KIF16B: variants seen among roughly 807,000 people sequenced by gnomAD.
KIF16B encodes the protein kinesin-like protein KIF16B.
KIF16B carries 98 observed loss-of-function variants against 156.3 expected under a neutral mutation model. The ratio of observed to expected loss-of-function variants is 0.63; its 90% CI spans 0.53 to 0.74. The LOEUF is 0.74. Among genes scored for constraint, KIF16B ranks in the 30% least tolerant of loss-of-function variants. The pLI is 0.00. For missense variants in KIF16B, 1,421 were observed against 1,606.5 expected (o/e 0.88, Z 1.97); for synonymous variants, 564 against 583.7 (o/e 0.97, Z 0.49).
At chr20:16,521,036 A>G (rs6044060) in intron 3 of KIF16B, among the ~76,000 whole-genome samples, 36,211 of 152,006 alleles carry the variant, frequency 0.24, 4,934 homozygotes, top group East Asian at 0.36. Flanking sequence ...AAGACCAAAG[A>G]TAGATAAATC....
chr20:16,308,086 A>G (rs1442335875), intron 25 of KIF16B, among the ~76,000 whole-genome samples: 2 of 152,150 alleles, frequency 1.3e-5, no homozygotes, highest in African/African-American at 4.8e-5. Flanking sequence ...TTAAATCTGC[A>G]CAAGAACAAT....
intron 1 of KIF16B, among the ~76,000 whole-genome samples, chr20:16,557,147 CTATATATATAT>C (rs1568684217): frequency 7.0e-5 from 8 of 114,388 alleles, no homozygotes; most frequent in Non-Finnish European, 1.2e-4. Flanking sequence ...TATATTAATA[CTATATATATAT>C]ACACACACAC....
chr20:16,355,373 A>G (rs949795760), intron 23 of KIF16B, among the ~76,000 whole-genome samples: 1 of 152,204 alleles, frequency 6.6e-6, no homozygotes, highest in Non-Finnish European at 1.5e-5. Context: ...GTACTTTCCA[A>G]TTTCCTCATT....
At chr20:16,547,326 T>C (rs1437065512) in intron 1 of KIF16B, among the ~76,000 whole-genome samples, 1 of 152,208 alleles carries the variant, frequency 6.6e-6, no homozygotes, top group African/African-American at 2.4e-5. Context: ...ATTAATATCA[T>C]GGCTCATGCC....
chr20:16,497,393 T>C (rs1340050928), intron 11 of KIF16B, among the ~76,000 whole-genome samples: 1 of 152,156 alleles, frequency 6.6e-6, no homozygotes, highest in Admixed American at 6.5e-5. Context: ...TAACTAACCA[T>C]CATGTGCCAG....
chr20:16,566,753 G>T (rs763472704), intron 1 of KIF16B, among the ~76,000 whole-genome samples: 3 of 152,218 alleles, frequency 2.0e-5, no homozygotes, highest in Non-Finnish European at 4.4e-5. Context: ...TTCCAGGATG[G>T]TGGATATATT....
chr20:16,408,487 C>T (rs150124526), intron 15 of KIF16B, among the ~76,000 whole-genome samples: 2 of 152,238 alleles, frequency 1.3e-5, no homozygotes, highest in East Asian at 1.9e-4. Context: ...ATATTTAATG[C>T]TGTTAAAGTT....
At chr20:16,437,682 T>C (rs1005286929) in intron 12 of KIF16B, among the ~76,000 whole-genome samples, 5 of 152,196 alleles carry the variant, frequency 3.3e-5, no homozygotes, top group African/African-American at 7.2e-5. Context: ...TGCCAAAAGA[T>C]TTTTATTGCT....
intron 1 of KIF16B, among the ~76,000 whole-genome samples, chr20:16,562,481 A>G (rs1356432328): frequency 6.6e-6 from 1 of 152,218 alleles, no homozygotes; most frequent in Non-Finnish European, 1.5e-5. Flanking sequence ...CTCCTCACGG[A>G]GAACAATGTG....
chr20:16,532,266 G>C (rs1214994367), intron 1 of KIF16B, among the ~76,000 whole-genome samples: 1 of 152,098 alleles, frequency 6.6e-6, no homozygotes, highest in South Asian at 2.1e-4. Context: ...AAATAATCCA[G>C]GTATGGGGAA....
intron 1 of KIF16B, among the ~76,000 whole-genome samples, chr20:16,568,627 G>A (rs1182022629): frequency 6.6e-6 from 1 of 151,912 alleles, no homozygotes; most frequent in Non-Finnish European, 1.5e-5. Flanking sequence ...CAGCCTGGGC[G>A]ACACAGGGAG....
In KIF16B at chr20:16,376,214, G is replaced by T. The variant is rs574218053; in HGVS notation, c.3198-1805C>A. On this transcript the variant is annotated intron_variant, in intron 19 of 25. Coordinates refer to ENST00000354981, the MANE Select transcript of KIF16B (RefSeq NM_024704.5). ...GACAAGAAAACAGGATTAAGTGTGA[G>T]TATTAACAACTTGCCTCTGTTATCC... Among the ~76,000 whole-genome samples the T allele has an allele frequency of 3.3e-5, 5 of 152,314 alleles. No individual in the cohort carries two copies. In the South Asian group the frequency reaches 1.0e-3, roughly 32 times the overall value.
chr20:16,289,023 C>T (rs114756685), intron 25 of KIF16B, among the ~76,000 whole-genome samples: 3,154 of 151,834 alleles, frequency 0.021, 104 homozygotes, highest in African/African-American at 0.071. Context: ...TACTCTAAGT[C>T]GAAAGTGCAT....
intron 24 of KIF16B, among the ~76,000 whole-genome samples, chr20:16,316,272 C>T (rs892824208): frequency 6.6e-6 from 1 of 152,168 alleles, no homozygotes; most frequent in African/African-American, 2.4e-5. Flanking sequence ...TTGATAGTTG[C>T]TGATCAGCGA....
chr20:16,367,029 T>C, intron 22 of KIF16B: 2 of 1,361,978 alleles, frequency 1.5e-6, no homozygotes, highest in South Asian at 2.1e-5. Context: ...TCTGCATTTT[T>C]CCAGTTCCAA....
At chr20:16,317,781 C>CCACCCT (rs555243975) in intron 24 of KIF16B, among the ~76,000 whole-genome samples, 26 of 152,324 alleles carry the variant, frequency 1.7e-4, no homozygotes, top group African/African-American at 5.8e-4. Flanking sequence ...GGGTGGCCTG[C>CCACCCT]CACCCTCACC....
At position 16,515,530 on chromosome 20, in the gene KIF16B, A is replaced by G. The variant is rs1406618411; in HGVS notation, c.348+18T>C. ...AGATAATGAGAAATTTCCTTCCCAC[A>G]CAGTATAAACAACGTACAGAATTTC... On this transcript the variant is annotated intron_variant, in intron 4 of 25. Transcript: ENST00000354981. 5 of 1,293,038 alleles carry G rather than the reference A, an allele frequency of 3.9e-6. No individual in the cohort carries two copies. 80.1% of individuals were successfully genotyped at this position (1,293,038 alleles called of 1,614,324 possible).
At chr20:16,474,783 C>T (rs1452415871) in intron 12 of KIF16B, among the ~76,000 whole-genome samples, 3 of 152,210 alleles carry the variant, frequency 2.0e-5, no homozygotes, top group Admixed American at 6.5e-5. Flanking sequence ...CACCAGCAGT[C>T]AGCCTAGTTC....
chr20:16,385,508 G>C (rs1031759293), intron 17 of KIF16B, among the ~76,000 whole-genome samples: 6 of 152,204 alleles, frequency 3.9e-5, no homozygotes, highest in Admixed American at 3.9e-4. Flanking sequence ...CCATGAACAA[G>C]TTATTTAACC....
Sources: gnomAD v4.1 joint callset for allele counts (sites outside exome capture counted in the v4.1 genomes callset) on GRCh38, gnomAD v4.1.1 for gene constraint, MANE v1.5 for transcripts, NCBI Gene and HGNC (gene_info 2026-07-23, HGNC 2026-07-21) for gene names.